IGF2R: variants seen among roughly 807,000 people sequenced by gnomAD.
The protein encoded by IGF2R is cation-independent mannose-6-phosphate receptor.
In IGF2R, 91 loss-of-function variants were observed where a neutral mutation model predicts 270.6. The ratio of observed to expected loss-of-function variants is 0.34; its 90% CI spans 0.28 to 0.40. IGF2R has a LOEUF of 0.40. Ranked by LOEUF, IGF2R falls within the 10% of genes least tolerant of loss-of-function variation. The probability of loss-of-function intolerance (pLI) is 1.00; values close to 1 mark genes in which losing one functional copy is unlikely to be tolerated. For missense variants in IGF2R, 2,805 were observed against 3,188.3 expected (o/e 0.88, Z 2.90); for synonymous variants, 1,316 against 1,258.9 (o/e 1.05, Z -0.96).
At chr6:160,079,549 CT>C in intron 37 of IGF2R, 30 bp from the exon 38 acceptor site, 1 of 1,385,614 alleles carries the variant, frequency 7.2e-7, no homozygotes, top group Non-Finnish European at 9.4e-7. Context: ...TGCTGCCACT[CT>C]GCTGACGGCC....
rs1457433777 is a variant in IGF2R, at chr6:160,096,555, G to A, written c.6772G>A (p.Glu2258Lys). 6.2e-7 allele frequency: 1 copy of A among 1,613,994 alleles called. No individual in the cohort carries two copies. Among genetic ancestry groups the A allele is most frequent in the East Asian group, 2.2e-5 (1 of 44,898 alleles). The change falls in exon 45 of 48, where the codon GAG becomes AAG. Residue 2258 changes from glutamate to lysine, a missense_variant. By Grantham distance (56) the Glu-to-Lys change is moderately conservative. Around this residue, in one of 2 missense-constraint regions of IGF2R, gnomAD observed 1,851 missense variants for 2,207.2 expected, o/e 0.84. Coordinates refer to ENST00000356956, the MANE Select transcript of IGF2R (RefSeq NM_000876.4). ...CCCTCTGGTGGAGGACGGGATCCCC[G>A]AGTTCAGTCACGAGACTGCCGACTG... ...CDPLVEDGIPEFSHETADCQY... is the reference protein window; with the variant it reads ...CDPLVEDGIPKFSHETADCQY...
intron 30 of IGF2R, among the ~76,000 whole-genome samples, chr6:160,068,787 T>C (rs1583290203): frequency 1.3e-5 from 2 of 152,078 alleles, no homozygotes; most frequent in South Asian, 4.2e-4. Context: ...TTGTCATGAG[T>C]TTATCAGGGA....
At position 160,106,007 on chromosome 6, in the gene IGF2R, G is replaced by C. The variant is rs1779610315; in HGVS notation, c.*923G>C. The stretch of plus-strand genomic sequence containing the variant: ...TGGGGTATAGGTCTCATCTCTTCAG[G>C]TTCTCATGATACCACCTTTACTGTG... On this transcript the variant is annotated 3_prime_UTR_variant, in exon 48 of 48. Transcript: ENST00000356956. 1 of 151,832 alleles carries C rather than the reference G, an allele frequency of 6.6e-6. No homozygotes were observed. The highest frequency in any genetic ancestry group is 2.4e-5 in the African/African-American group (1 of 41,210). 9.4% of individuals were successfully genotyped at this position (151,832 alleles called of 1,614,324 possible). A position where few individuals can be genotyped will look rare whatever the true frequency, so the allele number is the denominator to read the frequency against.
intron 1 of IGF2R, among the ~76,000 whole-genome samples, chr6:159,979,923 G>C (rs1783753124): frequency 6.6e-6 from 1 of 152,184 alleles, no homozygotes; most frequent in Non-Finnish European, 1.5e-5. Context: ...CCGGTGCTGT[G>C]GCTCATGCCT....
At chr6:160,043,358 G>C in intron 12 of IGF2R, 70 bp downstream of exon 12, 1 of 1,502,930 alleles carries the variant, frequency 6.7e-7, no homozygotes, top group South Asian at 1.3e-5. Flanking sequence ...TGAGTTAGAA[G>C]ATCTTTCTGT....
chr6:160,065,812 G>GTATATATATATATA (rs1456196890), intron 29 of IGF2R, among the ~76,000 whole-genome samples: 19 of 69,356 alleles, frequency 2.7e-4, no homozygotes, highest in Admixed American at 1.2e-3. Flanking sequence ...GTGTGTGTGT[G>GTATATATATATATA]TGTATATATA....
chr6:160,069,607 C>T (rs751474199), intron 30 of IGF2R, among the ~76,000 whole-genome samples: 11 of 152,154 alleles, frequency 7.2e-5, no homozygotes, highest in African/African-American at 2.7e-4. Context: ...GAAAGAATTT[C>T]GACTGCTACA....
chr6:159,996,833 C>T (rs961356592), intron 2 of IGF2R, among the ~76,000 whole-genome samples: 2 of 152,176 alleles, frequency 1.3e-5, no homozygotes, highest in African/African-American at 2.4e-5. Flanking sequence ...GCTGTGGGTC[C>T]GTGTAGAGAG....
Position 160,106,638 on chromosome 6 carries a change from A to T in IGF2R, c.*1554A>T, listed in dbSNP as rs188752461. 6.6e-6 allele frequency: 1 copy of T among 152,086 alleles called. No individual in the cohort carries two copies. The highest frequency in any genetic ancestry group is 1.5e-5 in the Non-Finnish European group (1 of 67,990). The allele number at this position is 152,086 out of a possible 1,614,324, so 9.4% of individuals were successfully genotyped here. ...GCCTGTCTTTTCTTTCTGTTAAGTG[A>T]CTGAATTTGGGTTTTAACTCTGGTG... On this transcript the variant is annotated 3_prime_UTR_variant, in exon 48 of 48. Coordinates refer to ENST00000356956, the MANE Select transcript of IGF2R (RefSeq NM_000876.4).
chr6:160,065,689 T>C (rs1449305223), intron 29 of IGF2R, among the ~76,000 whole-genome samples: 2 of 151,848 alleles, frequency 1.3e-5, no homozygotes, highest in South Asian at 2.1e-4. Context: ...CTTTCTGCCA[T>C]GTGAGGCTGC....
intron 1 of IGF2R, among the ~76,000 whole-genome samples, chr6:159,988,691 G>T (rs1355307378): frequency 6.6e-6 from 1 of 152,032 alleles, no homozygotes; most frequent in Non-Finnish European, 1.5e-5. Flanking sequence ...GTTTGTCTCT[G>T]TTATCCTGGA....
intron 1 of IGF2R, among the ~76,000 whole-genome samples, chr6:159,982,839 T>G (rs1215633488): frequency 6.6e-6 from 1 of 152,218 alleles, no homozygotes; most frequent in Non-Finnish European, 1.5e-5. Flanking sequence ...AAGATTTATT[T>G]TCTTTAAGAG....
At chr6:159,983,536 A>G (rs2115175921) in intron 1 of IGF2R, among the ~76,000 whole-genome samples, 1 of 152,316 alleles carries the variant, frequency 6.6e-6, no homozygotes, top group East Asian at 1.9e-4. Context: ...TGCTTGGTTT[A>G]TATGGTTAAA....
At chr6:159,971,848 C>T (rs943112095) in intron 1 of IGF2R, among the ~76,000 whole-genome samples, 1 of 152,010 alleles carries the variant, frequency 6.6e-6, no homozygotes, top group African/African-American at 2.4e-5. Flanking sequence ...ATAGAGATGA[C>T]GTCTTGCTAT....
chr6:160,054,462 T>TAAGACAACA (rs1466914292), intron 19 of IGF2R, among the ~76,000 whole-genome samples: 1 of 152,154 alleles, frequency 6.6e-6, no homozygotes, highest in Non-Finnish European at 1.5e-5. Context: ...GGAATGCTGG[T>TAAGACAACA]CGATTGTTGT....
In IGF2R at chr6:160,084,882, G is replaced by T; in HGVS notation, c.6069-113G>T. On this transcript the variant is annotated intron_variant, in intron 40 of 47. Transcript: ENST00000356956. The surrounding 1 kb of genome is among the most constrained non-coding windows in gnomAD (Gnocchi z 4.6). The stretch of plus-strand genomic sequence containing the variant: ...TTAGTGCTACATTCAGTGATGGAAT[G>T]GAGCCCTTAGTTATCAGAACCTTTC... 1.0e-6 allele frequency: 1 copy of T among 973,324 alleles called. No individual in the cohort carries two copies. The highest frequency in any genetic ancestry group is 1.7e-5 in the South Asian group (1 of 58,530). 60.3% of individuals were successfully genotyped at this position (973,324 alleles called of 1,614,324 possible).
chr6:159,978,747 G>T (rs1431620665), intron 1 of IGF2R, among the ~76,000 whole-genome samples: 4 of 152,206 alleles, frequency 2.6e-5, no homozygotes, highest in Admixed American at 6.5e-5. Flanking sequence ...GGGCAGAGGG[G>T]CACTTTCCTG....
intron 31 of IGF2R, 108 bp from the exon 32 acceptor site, chr6:160,071,802 T>A: frequency 7.1e-7 from 1 of 1,417,776 alleles, no homozygotes; most frequent in Non-Finnish European, 9.9e-7. Flanking sequence ...GACAGAAATG[T>A]CACATGCTGT....
chr6:160,017,177 C>G (rs930519188), intron 4 of IGF2R, among the ~76,000 whole-genome samples: 1 of 151,898 alleles, frequency 6.6e-6, no homozygotes, highest in Non-Finnish European at 1.5e-5. Context: ...TTAAAAAAAT[C>G]AAGTAGAATT....
Sources: allele counts gnomAD v4.1 joint callset (sites outside exome capture counted in the v4.1 genomes callset), GRCh38; gene constraint gnomAD v4.1.1; regional missense constraint gnomAD v4.1.1; non-coding constraint Gnocchi (gnomAD v3.1); transcripts MANE v1.5; gene names NCBI Gene and HGNC (gene_info 2026-07-23, HGNC 2026-07-21).